Variants in ATP8A1 observed in about 807,000 individuals in gnomAD.
ATP8A1 encodes phospholipid-transporting ATPase IA.
A neutral mutation model predicts 177.7 loss-of-function variants in ATP8A1; 90 were observed. That is an observed-to-expected ratio of 0.51 (90% CI 0.43 to 0.60). The LOEUF (loss-of-function observed/expected upper bound fraction) is 0.60. Among genes scored for constraint, ATP8A1 ranks in the 20% least tolerant of loss-of-function variants. The pLI is 0.00. For synonymous variants in ATP8A1, 493 were observed against 485.9 expected, an observed-to-expected ratio of 1.01 and a Z score of -0.19; for missense variants, 1,072 against 1,392.8, an observed-to-expected ratio of 0.77 and a Z score of 3.67.
intron 32 of ATP8A1, 59 bp downstream of exon 32, chr4:42,444,519 C>T (rs1717002100): frequency 6.6e-7 from 1 of 1,507,552 alleles, no homozygotes; most frequent in Non-Finnish European, 9.2e-7. Flanking sequence ...ACCACCAAGA[C>T]TGGAGATAAT....
intron 6 of ATP8A1, 29 bp from the exon 7 acceptor site, chr4:42,590,913 A>T: frequency 6.8e-7 from 1 of 1,460,362 alleles, no homozygotes; most frequent in Non-Finnish European, 9.2e-7. Context: ...AATAATTAAA[A>T]TGGCCAAAAA....
At chr4:42,510,332 C>A (rs6828320) in intron 22 of ATP8A1, among the ~76,000 whole-genome samples, 20,161 of 152,100 alleles carry the variant, frequency 0.13, 1,679 homozygotes, top group East Asian at 0.26. Flanking sequence ...GAAGTTCAAG[C>A]AAGGAAAGGA....
intron 24 of ATP8A1, among the ~76,000 whole-genome samples, chr4:42,495,832 G>T (rs1411162446): frequency 2.0e-5 from 3 of 152,020 alleles, no homozygotes; most frequent in African/African-American, 7.3e-5. Flanking sequence ...CCCAACGAAC[G>T]CATTTAATCA....
At chr4:42,461,948 C>A (rs1295296778) in intron 27 of ATP8A1, among the ~76,000 whole-genome samples, 1 of 152,174 alleles carries the variant, frequency 6.6e-6, no homozygotes, top group Non-Finnish European at 1.5e-5. Context: ...AGCAAAGAGA[C>A]TGGCAGCATT....
Position 42,434,877 on chromosome 4 carries a change from C to A in ATP8A1, c.3123+8688G>T, listed in dbSNP as rs538105913. Among the ~76,000 whole-genome samples, 4 of 152,322 alleles carry A rather than the reference C, an allele frequency of 2.6e-5. No individual in the cohort carries two copies. The South Asian group carries it at 8.3e-4, about 32-fold the overall frequency. Reference sequence around the variant, plus strand: ...GGCAGTACAGTAAGTTAAAGGCAACCTAGTCTCTGACGACTGTGCAGATTC... The same window carrying A: ...GGCAGTACAGTAAGTTAAAGGCAACATAGTCTCTGACGACTGTGCAGATTC... On this transcript the variant is annotated intron_variant, in intron 33 of 36. Coordinates refer to ENST00000381668, the MANE Select transcript of ATP8A1 (RefSeq NM_006095.2).
At chr4:42,540,299 GGAGA>G (rs1266713199) in intron 20 of ATP8A1, among the ~76,000 whole-genome samples, 2 of 152,238 alleles carry the variant, frequency 1.3e-5, no homozygotes, top group Admixed American at 6.5e-5. Flanking sequence ...GCGAGGATGT[GGAGA>G]GAAAGGACCT....
intron 18 of ATP8A1, among the ~76,000 whole-genome samples, chr4:42,550,952 C>T (rs1205932190): frequency 6.6e-6 from 1 of 151,888 alleles, no homozygotes; most frequent in Non-Finnish European, 1.5e-5. Flanking sequence ...AGAGATACAC[C>T]CTCATGTAAC....
At chr4:42,496,559 GA>G (rs1346628192) in intron 24 of ATP8A1, among the ~76,000 whole-genome samples, 1 of 152,086 alleles carries the variant, frequency 6.6e-6, no homozygotes, top group Non-Finnish European at 1.5e-5. Flanking sequence ...ACAGTTTGGA[GA>G]AGGTAACAAC....
intron 9 of ATP8A1, among the ~76,000 whole-genome samples, chr4:42,584,848 A>G (rs894424796): frequency 2.0e-5 from 3 of 152,204 alleles, no homozygotes; most frequent in African/African-American, 7.2e-5. Context: ...ATAAAGTCCA[A>G]AACTGAACTG....
chr4:42,626,819 T>C lies in ATP8A1; in HGVS notation c.164+176A>G, dbSNP rs61214588. 4,533 of 620,940 alleles carry C rather than the reference T, an allele frequency of 7.3e-3. 121 individuals carry two copies. The highest frequency in any genetic ancestry group is 0.065 in the African/African-American group (3,493 of 53,900). 38.5% of individuals were successfully genotyped at this position (620,940 alleles called of 1,614,324 possible). On this transcript the variant is annotated intron_variant, in intron 2 of 36. Transcript: ENST00000381668. ...TTTCTGCTCCTCGCTATTTCCAGATTCTTATGAATATTTCTCTATGGGAGA... is the reference window on the plus strand; with the variant it reads ...TTTCTGCTCCTCGCTATTTCCAGATCCTTATGAATATTTCTCTATGGGAGA...
intron 20 of ATP8A1, among the ~76,000 whole-genome samples, chr4:42,536,270 T>C (rs1306955204): frequency 6.6e-6 from 1 of 152,032 alleles, no homozygotes; most frequent in Admixed American, 6.6e-5. Context: ...AAATAGGAGA[T>C]ACTATAATGT....
At chr4:42,545,403 C>A (rs1728798241) in intron 19 of ATP8A1, among the ~76,000 whole-genome samples, 1 of 152,094 alleles carries the variant, frequency 6.6e-6, no homozygotes, top group South Asian at 2.1e-4. Context: ...GGTGAAACCT[C>A]CAAATATTGG....
chr4:42,536,100 C>A (rs1047663369), intron 20 of ATP8A1, among the ~76,000 whole-genome samples: 1 of 152,034 alleles, frequency 6.6e-6, no homozygotes, highest in Non-Finnish European at 1.5e-5. Flanking sequence ...GAATAAATTA[C>A]CAAGATCAGA....
intron 18 of ATP8A1, among the ~76,000 whole-genome samples, chr4:42,550,797 G>T (rs748151309): frequency 6.6e-6 from 1 of 152,098 alleles, no homozygotes; most frequent in Non-Finnish European, 1.5e-5. Flanking sequence ...ATGCTTATTG[G>T]CCATCCATAT....
chr4:42,414,933 C>T (rs1560299084), intron 35 of ATP8A1: 4 of 517,522 alleles, frequency 7.7e-6, no homozygotes, highest in Non-Finnish European at 1.4e-5. Flanking sequence ...GGAGTTTGGT[C>T]CCCAATAATC....
Position 42,410,193 on chromosome 4 carries a change from T to C in ATP8A1, c.*2723A>G, listed in dbSNP as rs1463088750. The C allele has an allele frequency of 3.9e-5, 6 of 152,176 alleles. No individual in the cohort carries two copies. Among genetic ancestry groups the C allele is most frequent in the Admixed American group, 3.3e-4 (5 of 15,280 alleles). The allele number at this position is 152,176 out of a possible 1,614,324, so 9.4% of individuals were successfully genotyped here. On this transcript the variant is annotated 3_prime_UTR_variant, in exon 37 of 37. Coordinates refer to ENST00000381668, the MANE Select transcript of ATP8A1 (RefSeq NM_006095.2). ...ACACCAATATATTTTTATATGTATA[T>C]ATAAAACATTTAGAAAGTCCATGCT...
At chr4:42,429,378 A>ATT in intron 33 of ATP8A1, among the ~76,000 whole-genome samples, 1 of 149,140 alleles carries the variant, frequency 6.7e-6, no homozygotes, top group Admixed American at 6.8e-5. Flanking sequence ...TGGAAATAAA[A>ATT]GTGTTTTGTT....
intron 22 of ATP8A1, among the ~76,000 whole-genome samples, chr4:42,508,148 T>A (rs2153194660): frequency 6.6e-6 from 1 of 152,308 alleles, no homozygotes; most frequent in Non-Finnish European, 1.5e-5. Context: ...ATTTATTTAT[T>A]TTGAGATGGA....
chr4:42,508,727 C>T lies in ATP8A1; in HGVS notation c.1948-1573G>A, dbSNP rs1423336294. On this transcript the variant is annotated intron_variant, in intron 22 of 36. Coordinates refer to ENST00000381668, the MANE Select transcript of ATP8A1 (RefSeq NM_006095.2). ...CTGTTTCAACCTCCAGCATGATCCT[C>T]GTCAGCATTTATCTTTCTTCTCAAT... Among the ~76,000 whole-genome samples the T allele has an allele frequency of 2.0e-5, 3 of 152,238 alleles. 1 individual carries two copies. Among genetic ancestry groups the T allele is most frequent in the Admixed American group, 1.3e-4 (2 of 15,286 alleles).
Sources: allele counts gnomAD v4.1 joint callset (sites outside exome capture counted in the v4.1 genomes callset), GRCh38; gene constraint gnomAD v4.1.1; transcripts MANE v1.5; gene names NCBI Gene and HGNC (gene_info 2026-07-23, HGNC 2026-07-21).